Variants in CDKAL1 observed in about 807,000 individuals in gnomAD.
CDKAL1 encodes CDKAL1 threonylcarbamoyladenosine tRNA methylthiotransferase.
CDKAL1 carries 32 observed loss-of-function variants against 68.2 expected under a neutral mutation model. The observed-to-expected ratio is 0.47, with a 90% CI of 0.35 to 0.63. The LOEUF (loss-of-function observed/expected upper bound fraction) is 0.63, where lower values mean the gene tolerates loss of function less well. CDKAL1 is among the 30% of genes least tolerant of loss of function. The pLI, the probability that CDKAL1 is intolerant of heterozygous loss-of-function variation, is 0.00. For missense variants in CDKAL1, 606 were observed against 696.7 expected (o/e 0.87, Z 1.47); for synonymous variants, 234 against 244.3 (o/e 0.96, Z 0.39).
chr6:21,118,747 A>G (rs1774550177), intron 13 of CDKAL1, among the ~76,000 whole-genome samples: 1 of 152,240 alleles, frequency 6.6e-6, no homozygotes, highest in African/African-American at 2.4e-5. Context: ...GGTACCTTTG[A>G]GAATTCCAGA....
At chr6:21,098,286 A>C (rs1773413000) in intron 12 of CDKAL1, among the ~76,000 whole-genome samples, 1 of 152,196 alleles carries the variant, frequency 6.6e-6, no homozygotes, top group Non-Finnish European at 1.5e-5. Context: ...AGTAGTGCTG[A>C]GGTGGCCTAA....
intron 9 of CDKAL1, among the ~76,000 whole-genome samples, chr6:20,911,883 A>G (rs190129613): frequency 6.6e-6 from 1 of 152,366 alleles, no homozygotes; most frequent in East Asian, 1.9e-4. Flanking sequence ...GTTTCTCACC[A>G]GAGGTGATTT....
intron 8 of CDKAL1, among the ~76,000 whole-genome samples, chr6:20,792,937 A>G (rs1299702296): frequency 6.6e-6 from 1 of 152,218 alleles, no homozygotes. Flanking sequence ...AGAGTTGTGT[A>G]CCTAGAAGTT....
chr6:21,088,392 T>A (rs535820241), intron 12 of CDKAL1, among the ~76,000 whole-genome samples: 1 of 152,322 alleles, frequency 6.6e-6, no homozygotes, highest in Non-Finnish European at 1.5e-5. Flanking sequence ...TACAGATATG[T>A]AGTTAAATAA....
intron 13 of CDKAL1, among the ~76,000 whole-genome samples, chr6:21,195,149 T>C (rs1402963419): frequency 1.3e-5 from 2 of 152,028 alleles, no homozygotes; most frequent in African/African-American, 2.4e-5. Context: ...CTAGGCTCAG[T>C]TTTTTTCCGT....
chr6:20,565,151 A>G (rs945519417), intron 4 of CDKAL1, among the ~76,000 whole-genome samples: 1 of 152,002 alleles, frequency 6.6e-6, no homozygotes, highest in East Asian at 1.9e-4. Context: ...ATATATATAT[A>G]TATTTTTAAA....
intron 5 of CDKAL1, among the ~76,000 whole-genome samples, chr6:20,708,846 T>C (rs950565075): frequency 1.3e-5 from 2 of 152,194 alleles, no homozygotes; most frequent in Non-Finnish European, 2.9e-5. Context: ...CTTGTCCTTA[T>C]GTTTTTTCTT....
intron 4 of CDKAL1, among the ~76,000 whole-genome samples, chr6:20,581,752 A>T (rs1184878631): frequency 2.0e-5 from 3 of 152,196 alleles, no homozygotes; most frequent in African/African-American, 4.8e-5. Context: ...TTACGTATCT[A>T]TAATTTATAA....
At chr6:20,864,925 T>C (rs1330649606) in intron 9 of CDKAL1, among the ~76,000 whole-genome samples, 1 of 152,232 alleles carries the variant, frequency 6.6e-6, no homozygotes, top group East Asian at 1.9e-4. Context: ...ATTCTTTTCT[T>C]ATTTATAATG....
intron 5 of CDKAL1, among the ~76,000 whole-genome samples, chr6:20,686,756 G>T (rs1199396279): frequency 6.6e-6 from 1 of 152,126 alleles, no homozygotes; most frequent in Non-Finnish European, 1.5e-5. Context: ...GGACATTTTT[G>T]TCTTTGTTCG....
intron 2 of CDKAL1, among the ~76,000 whole-genome samples, chr6:20,542,196 A>G (rs1407509533): frequency 6.6e-6 from 1 of 152,216 alleles, no homozygotes; most frequent in Non-Finnish European, 1.5e-5. Context: ...AATGATGTGA[A>G]TGGAAGGATG....
Position 20,610,902 on chromosome 6 carries a change from T to C in CDKAL1, c.287-38391T>C, listed in dbSNP as rs930890879. ...TTTTTTAGAGACAGGATCTTGAACT[T>C]GGGCTCATGTGATCCTCCTGTCTTA... On this transcript the variant is annotated intron_variant, in intron 4 of 15. Transcript: ENST00000274695. Among the ~76,000 whole-genome samples the C allele has an allele frequency of 8.5e-5, 13 of 152,184 alleles. No homozygotes were observed. The East Asian group carries it at 2.5e-3, about 29-fold the overall frequency.
intron 4 of CDKAL1, among the ~76,000 whole-genome samples, chr6:20,619,444 C>T (rs962309029): frequency 6.6e-6 from 1 of 152,080 alleles, no homozygotes; most frequent in Non-Finnish European, 1.5e-5. Flanking sequence ...AGTCATTCTG[C>T]AATGTATATA....
At position 21,059,217 on chromosome 6, in the gene CDKAL1, T is replaced by C. The variant is rs918748356; in HGVS notation, c.1056-5831T>C. Among the ~76,000 whole-genome samples the C allele has an allele frequency of 5.9e-5, 9 of 152,288 alleles. 1 individual carries two copies. The highest frequency in any genetic ancestry group is 3.3e-4 in the Admixed American group (5 of 15,300). On this transcript the variant is annotated intron_variant, in intron 11 of 15. Coordinates refer to ENST00000274695, the MANE Select transcript of CDKAL1 (RefSeq NM_017774.3). The stretch of plus-strand genomic sequence containing the variant: ...GATCTGCCACAGCCACTGTGCTGCA[T>C]TGTGGGGAGTTCCTCCTGGTCCAGA...
chr6:20,949,990 G>T (rs9350306), intron 9 of CDKAL1, among the ~76,000 whole-genome samples: 1 of 151,946 alleles, frequency 6.6e-6, no homozygotes, highest in East Asian at 1.9e-4. Context: ...AGGTTTCACC[G>T]TGTTGGCCAG....
chr6:20,664,066 A>G (rs564222671), intron 5 of CDKAL1, among the ~76,000 whole-genome samples: 1 of 152,124 alleles, frequency 6.6e-6, no homozygotes, highest in East Asian at 1.9e-4. Flanking sequence ...GGTTGGCGCC[A>G]TTGGATATTA....
intron 8 of CDKAL1, among the ~76,000 whole-genome samples, chr6:20,840,608 G>C (rs755219588): frequency 6.6e-6 from 1 of 152,178 alleles, no homozygotes; most frequent in Admixed American, 6.5e-5. Flanking sequence ...GGCACAGGAA[G>C]CTTAAAGAAG....
At chr6:21,031,521 G>A (rs1256382764) in intron 11 of CDKAL1, among the ~76,000 whole-genome samples, 3 of 151,884 alleles carry the variant, frequency 2.0e-5, no homozygotes, top group Non-Finnish European at 4.4e-5. Flanking sequence ...CCTACCAGGG[G>A]CTGGGAGTTC....
At chr6:20,781,438 C>T (rs528471213) in intron 8 of CDKAL1, among the ~76,000 whole-genome samples, 173 bp downstream of exon 8, 1 of 152,136 alleles carries the variant, frequency 6.6e-6, no homozygotes. Context: ...GTAAACTACA[C>T]TTATATTTGC....
Sources: gnomAD v4.1 joint callset for allele counts (sites outside exome capture counted in the v4.1 genomes callset) on GRCh38, gnomAD v4.1.1 for gene constraint, MANE v1.5 for transcripts, NCBI Gene and HGNC (gene_info 2026-07-23, HGNC 2026-07-21) for gene names.